The following NEMP2 variants were observed in gnomAD, a reference collection of about 807,000 sequenced individuals.
NEMP2 encodes the protein nuclear envelope integral membrane protein 2.
A neutral mutation model predicts 54.2 loss-of-function variants in NEMP2; 53 were observed. That is an observed-to-expected ratio of 0.98 (90% CI 0.78 to 1.23). The LOEUF (loss-of-function observed/expected upper bound fraction) is 1.23, where lower values mean the gene tolerates loss of function less well. Ranked by LOEUF, NEMP2 falls within the 50% of genes most tolerant of loss-of-function variation. NEMP2 has a pLI of 0.00. For missense variants in NEMP2, 455 were observed against 511.3 expected (o/e 0.89, Z 1.06); for synonymous variants, 197 against 190.3 (o/e 1.04, Z -0.29).
Position 190,514,354 on chromosome 2 carries a change from G to C in NEMP2, c.953+99C>G, listed in dbSNP as rs1053736594. 1.8e-6 allele frequency: 2 copies of C among 1,142,254 alleles called. No homozygotes were observed. The highest frequency in any genetic ancestry group is 1.5e-5 in the African/African-American group (1 of 65,192). 70.8% of individuals were successfully genotyped at this position (1,142,254 alleles called of 1,614,324 possible). On this transcript the variant is annotated intron_variant, in intron 7 of 8. Coordinates refer to ENST00000409150, the MANE Select transcript of NEMP2 (RefSeq NM_001142645.2). The surrounding 1 kb of genome is among the most constrained non-coding windows in gnomAD (Gnocchi z 5.7). ...TCAGAATGAAATCTCCAGATCAAATGTAATTATGAGATTAACATGATGTGT... is the reference window on the plus strand; with the variant it reads ...TCAGAATGAAATCTCCAGATCAAATCTAATTATGAGATTAACATGATGTGT...
chr2:190,469,845 A>T, the NEMP2 span: 1 of 1,600,444 alleles, frequency 6.2e-7, no homozygotes, highest in African/African-American at 1.3e-5. The surrounding 1 kb of genome is among the most constrained non-coding windows in gnomAD (Gnocchi z 5.3). Flanking sequence ...TCCCCATGGA[A>T]GTTCTTCAAG....
At chr2:190,426,714 A>G in the NEMP2 span, among the ~76,000 whole-genome samples, 1 of 152,018 alleles carries the variant, frequency 6.6e-6, no homozygotes, top group Admixed American at 6.5e-5. This position sits in a 1 kb window ranked among gnomAD's most constrained non-coding sequence, Gnocchi z 4.7. Flanking sequence ...CTGTCATCTC[A>G]ATGTTGGCAT....
upstream of NEMP2, among the ~76,000 whole-genome samples, chr2:190,537,486 T>C (rs988661186): frequency 6.6e-6 from 1 of 152,188 alleles, no homozygotes; most frequent in Non-Finnish European, 1.5e-5. Flanking sequence ...TGCTGCCTTG[T>C]GAAGAAGGAC....
the NEMP2 span, chr2:190,436,855 A>G: frequency 6.2e-7 from 1 of 1,614,240 alleles, no homozygotes; most frequent in African/African-American, 1.3e-5. The surrounding 1 kb of genome is among the most constrained non-coding windows in gnomAD (Gnocchi z 5.3). Context: ...TGACCAAGTC[A>G]TGCTTGTTTA....
At chr2:190,579,630 C>T in the NEMP2 span, among the ~76,000 whole-genome samples, 1 of 152,124 alleles carries the variant, frequency 6.6e-6, no homozygotes, top group Admixed American at 6.6e-5. Flanking sequence ...ATGATTAGCA[C>T]CTTTATTGGG....
the NEMP2 span, among the ~76,000 whole-genome samples, chr2:190,438,319 C>G: frequency 2.0e-5 from 3 of 152,078 alleles, no homozygotes; most frequent in Non-Finnish European, 1.5e-5. This position sits in a 1 kb window ranked among gnomAD's most constrained non-coding sequence, Gnocchi z 5.2. Context: ...AGTTCGAGAC[C>G]AGCCTGGCCA....
the NEMP2 span, among the ~76,000 whole-genome samples, chr2:190,468,619 ATTTTTTT>A: frequency 1.6e-5 from 2 of 128,032 alleles, no homozygotes; most frequent in African/African-American, 2.9e-5. Flanking sequence ...AGCCTGGCTA[ATTTTTTT>A]TTTTTTTTTT....
At chr2:190,552,432 T>A in the NEMP2 span, among the ~76,000 whole-genome samples, 6 of 152,280 alleles carry the variant, frequency 3.9e-5, no homozygotes, top group East Asian at 7.7e-4. Context: ...CTGAATAGAT[T>A]AAAAATATTC....
chr2:190,442,987 C>G, the NEMP2 span: 2 of 152,148 alleles, frequency 1.3e-5, no homozygotes, highest in Admixed American at 1.3e-4. Context: ...AAATGTTGGT[C>G]TGTGCTTTAT....
the NEMP2 span, among the ~76,000 whole-genome samples, chr2:190,491,496 C>T: frequency 2.0e-5 from 3 of 152,196 alleles, no homozygotes; most frequent in African/African-American, 7.2e-5. The surrounding 1 kb of genome is among the most constrained non-coding windows in gnomAD (Gnocchi z 4.2). Flanking sequence ...TCTATGCAGA[C>T]AACCCCAGTA....
the NEMP2 span, chr2:190,648,464 TC>T: frequency 7.2e-6 from 1 of 139,698 alleles, no homozygotes; most frequent in Non-Finnish European, 1.5e-5. Context: ...ACCACCTGCC[TC>T]CCCGCCTCTG....
At chr2:190,431,571 G>A in the NEMP2 span, among the ~76,000 whole-genome samples, 44 of 152,334 alleles carry the variant, frequency 2.9e-4, 1 homozygote, top group East Asian at 6.2e-3. The surrounding 1 kb of genome is among the most constrained non-coding windows in gnomAD (Gnocchi z 4.4). Context: ...CAGGTGTGGC[G>A]GCGCGCGCCT....
rs1690480081 is a variant in NEMP2 at position 190,514,472 on chromosome 2, C to T, written c.934G>A (p.Ala312Thr). 2.6e-6 allele frequency: 4 copies of T among 1,551,342 alleles called. No individual in the cohort carries two copies. In the East Asian group the frequency reaches 9.8e-5, roughly 38 times the overall value. The change falls in exon 7 of 9, where the codon GCA (alanine) becomes ACA (threonine). Residue 312 changes from alanine (A) to threonine (T), a missense_variant. Coordinates refer to ENST00000409150, the MANE Select transcript of NEMP2 (RefSeq NM_001142645.2). This position sits in a 1 kb window ranked among gnomAD's most constrained non-coding sequence, Gnocchi z 5.7. Reference protein sequence around the residue: ...SSWSLHYPLRACSYMRWKMEQ... With the variant: ...SSWSLHYPLRTCSYMRWKMEQ... ...ACATACCACCTCATATAACTGCATG[C>T]TCTCAGTGGGTAGTGCAGACTCCAG...
the NEMP2 span, among the ~76,000 whole-genome samples, chr2:190,544,202 A>G: frequency 6.6e-6 from 1 of 152,242 alleles, no homozygotes; most frequent in Non-Finnish European, 1.5e-5. Context: ...GAATAAAAAT[A>G]GAAGTTGATT....
the NEMP2 span, among the ~76,000 whole-genome samples, chr2:190,620,971 C>T: frequency 1.3e-5 from 2 of 151,816 alleles, no homozygotes; most frequent in Non-Finnish European, 2.9e-5. The surrounding 1 kb of genome is among the most constrained non-coding windows in gnomAD (Gnocchi z 4.9). Context: ...TAGCAATGAA[C>T]AATATGAAAA....
upstream of NEMP2, among the ~76,000 whole-genome samples, chr2:190,536,957 C>T (rs942826043): frequency 6.6e-6 from 1 of 152,090 alleles, no homozygotes; most frequent in Non-Finnish European, 1.5e-5. Context: ...TTACTATTCT[C>T]CTACATGTGA....
chr2:190,458,510 C>A, the NEMP2 span, among the ~76,000 whole-genome samples: 3 of 152,114 alleles, frequency 2.0e-5, no homozygotes, highest in Non-Finnish European at 4.4e-5. This position sits in a 1 kb window ranked among gnomAD's most constrained non-coding sequence, Gnocchi z 5.3. Context: ...GTTGTTGAAG[C>A]CACCCAGTCT....
At chr2:190,499,788 C>T (rs912706569), downstream of NEMP2, 10 of 1,499,638 alleles carry the variant, frequency 6.7e-6, no homozygotes, top group Admixed American at 2.0e-5. The surrounding 1 kb of genome is among the most constrained non-coding windows in gnomAD (Gnocchi z 6.0). Context: ...TTCCACAAGA[C>T]ACGTCTGCTT....
the NEMP2 span, among the ~76,000 whole-genome samples, chr2:190,447,549 T>C: frequency 6.6e-6 from 1 of 152,250 alleles, no homozygotes; most frequent in African/African-American, 2.4e-5. The surrounding 1 kb of genome is among the most constrained non-coding windows in gnomAD (Gnocchi z 4.5). Context: ...AGAAGCCACA[T>C]TAAAAAATAA....
Sources: allele counts gnomAD v4.1 joint callset (sites outside exome capture counted in the v4.1 genomes callset), GRCh38; gene constraint gnomAD v4.1.1; non-coding constraint Gnocchi (gnomAD v3.1); transcripts MANE v1.5; gene names NCBI Gene and HGNC (gene_info 2026-07-23, HGNC 2026-07-21).